The following AAMDC variants were observed in gnomAD, a reference collection of about 807,000 sequenced individuals.
The protein encoded by AAMDC is mth938 domain-containing protein.
In AAMDC, 16 loss-of-function variants were observed where a neutral mutation model predicts 15.5. The observed-to-expected ratio is 1.03, with a 90% CI of 0.70 to 1.57. The LOEUF is 1.57. Among genes scored for constraint, AAMDC ranks in the 40% most tolerant of loss-of-function variants. The pLI is 0.00. For missense variants in AAMDC, 141 were observed against 144.9 expected (o/e 0.97, Z 0.14); for synonymous variants, 51 against 51.6 (o/e 0.99, Z 0.05).
intron 1 of AAMDC, among the ~76,000 whole-genome samples, chr11:77,824,594 C>T (rs1949082668): frequency 2.0e-5 from 3 of 152,128 alleles, no homozygotes; most frequent in African/African-American, 7.2e-5. Flanking sequence ...ATCTTAAAAA[C>T]ATGTTGAGTA....
chr11:77,832,307 A>G (rs1397611488), intron 1 of AAMDC, among the ~76,000 whole-genome samples: 1 of 148,994 alleles, frequency 6.7e-6, no homozygotes, highest in African/African-American at 2.5e-5. Context: ...TTTATAAAAA[A>G]TGAAACTTCA....
chr11:77,869,802 G>A lies in AAMDC; in HGVS notation c.213G>A (p.Met71Ile). 9 of 1,613,860 alleles carry A rather than the reference G, an allele frequency of 5.6e-6. No homozygotes were observed. The highest frequency in any genetic ancestry group is 6.8e-6 in the Non-Finnish European group (8 of 1,179,816). Reference protein sequence around the residue: ...GVQTLVIGRGMSEALKVPSST... With the variant: ...GVQTLVIGRGISEALKVPSST... Reference sequence around the variant, plus strand: ...AGACTCTTGTGATTGGCCGAGGGATGAGTGAGGCCTTGAAGGTAGGTGTTG... The same window carrying A: ...AGACTCTTGTGATTGGCCGAGGGATAAGTGAGGCCTTGAAGGTAGGTGTTG... Residue 71 changes from methionine to isoleucine, a missense_variant, in exon 3 of 4, where the codon ATG becomes ATA. By Grantham distance (10) the Met-to-Ile change is conservative (BLOSUM62 1). Coordinates refer to ENST00000393427, the MANE Select transcript of AAMDC (RefSeq NM_024684.4).
chr11:77,849,094 T>C (rs1950265438), intron 2 of AAMDC, among the ~76,000 whole-genome samples: 1 of 151,482 alleles, frequency 6.6e-6, no homozygotes, highest in Admixed American at 6.6e-5. Context: ...TGGAGTGCAA[T>C]GGCGCCATTA....
At chr11:77,885,446 G>GA (rs922717484) in intron 5 of AAMDC, among the ~76,000 whole-genome samples, 2 of 151,738 alleles carry the variant, frequency 1.3e-5, no homozygotes, top group African/African-American at 4.8e-5. Context: ...CCTACTATAG[G>GA]AAAAAAATGC....
intron 2 of AAMDC, among the ~76,000 whole-genome samples, chr11:77,855,684 C>A (rs1300175608): frequency 6.8e-6 from 1 of 147,858 alleles, no homozygotes; most frequent in Non-Finnish European, 1.5e-5. Context: ...CCTTTATAAT[C>A]TGCTTCCCTT....
chr11:77,896,568 C>T (rs1347415597), intron 5 of AAMDC, among the ~76,000 whole-genome samples: 2 of 151,026 alleles, frequency 1.3e-5, no homozygotes, highest in African/African-American at 4.9e-5. Flanking sequence ...AGGAGAATCT[C>T]TTGAACCCGG....
At chr11:77,825,016 T>C (rs1388821622) in intron 1 of AAMDC, among the ~76,000 whole-genome samples, 1 of 152,168 alleles carries the variant, frequency 6.6e-6, no homozygotes, top group Non-Finnish European at 1.5e-5. Flanking sequence ...AGTCTCACTC[T>C]ATCACCCAGG....
At chr11:77,870,539 G>A (rs967314166) in intron 3 of AAMDC, among the ~76,000 whole-genome samples, 11 of 151,332 alleles carry the variant, frequency 7.3e-5, no homozygotes, top group Admixed American at 4.6e-4. Flanking sequence ...GGGTTTCACC[G>A]TGTTAGCCAG....
At chr11:77,893,729 C>A (rs1952379478) in intron 5 of AAMDC, among the ~76,000 whole-genome samples, 2 of 151,906 alleles carry the variant, frequency 1.3e-5, no homozygotes, top group Admixed American at 6.6e-5. Flanking sequence ...CCCGTCTCTA[C>A]TAAAAATACA....
At chr11:77,866,925 C>T (rs1235288958) in intron 2 of AAMDC, among the ~76,000 whole-genome samples, 1 of 152,064 alleles carries the variant, frequency 6.6e-6, no homozygotes, top group Admixed American at 6.6e-5. Context: ...ACTGCAACCT[C>T]CACTTCCTGG....
chr11:77,878,230 C>T (rs1406130708), intron 5 of AAMDC, among the ~76,000 whole-genome samples: 2 of 152,030 alleles, frequency 1.3e-5, no homozygotes, highest in Non-Finnish European at 2.9e-5. Flanking sequence ...GGCGTGGTGA[C>T]AGGCGCCTGT....
chr11:77,829,164 T>G (rs749854468), intron 1 of AAMDC, among the ~76,000 whole-genome samples: 45 of 151,262 alleles, frequency 3.0e-4, no homozygotes, highest in Non-Finnish European at 6.0e-4. Context: ...GAACTGGTAA[T>G]TTTATAAGAA....
At chr11:77,868,283 C>T (rs1951217511) in intron 2 of AAMDC, among the ~76,000 whole-genome samples, 2 of 151,402 alleles carry the variant, frequency 1.3e-5, no homozygotes, top group Admixed American at 1.3e-4. Flanking sequence ...TCTTGATCTC[C>T]TGACCTCGTG....
intron 5 of AAMDC, among the ~76,000 whole-genome samples, chr11:77,886,418 A>G (rs948976680): frequency 1.3e-5 from 2 of 152,214 alleles, no homozygotes; most frequent in African/African-American, 4.8e-5. Flanking sequence ...TAGGCTTACA[A>G]GAGTTAATAA....
rs552496189 is a variant in AAMDC, at chr11:77,854,668, T to C, written c.132+12040T>C. On this transcript the variant is annotated intron_variant, in intron 2 of 3. Coordinates refer to ENST00000393427, the MANE Select transcript of AAMDC (RefSeq NM_024684.4). Reference sequence around the variant, plus strand: ...GCAGGGTGCAACCCCTGTGGCTGCTTTCGTGGGCTGGCATTGAGTGCCTGC... The same window carrying C: ...GCAGGGTGCAACCCCTGTGGCTGCTCTCGTGGGCTGGCATTGAGTGCCTGC... Among the ~76,000 whole-genome samples, 266 of 152,266 alleles carry C rather than the reference T, an allele frequency of 1.7e-3. 1 individual carries two copies. In the South Asian group the frequency reaches 0.026, roughly 15 times the overall value.
At chr11:77,826,286 C>T (rs181246076) in intron 1 of AAMDC, among the ~76,000 whole-genome samples, 23 of 151,738 alleles carry the variant, frequency 1.5e-4, no homozygotes, top group Admixed American at 8.5e-4. Context: ...CACTTGAACC[C>T]AGGAGGCAGA....
At chr11:77,870,303 A>T (rs1951356812) in intron 3 of AAMDC, among the ~76,000 whole-genome samples, 1 of 144,620 alleles carries the variant, frequency 6.9e-6, no homozygotes, top group African/African-American at 2.6e-5. Flanking sequence ...TACAAATGTG[A>T]GCTACCACGT....
chr11:77,830,660 G>A (rs915960135), intron 1 of AAMDC, among the ~76,000 whole-genome samples: 16 of 151,914 alleles, frequency 1.1e-4, no homozygotes, highest in Non-Finnish European at 1.5e-4. Context: ...CCATAGGTCC[G>A]TGTGGGTTAC....
At chr11:77,829,973 T>C (rs989646028) in intron 1 of AAMDC, 1 of 152,096 alleles carries the variant, frequency 6.6e-6, no homozygotes, top group Non-Finnish European at 1.5e-5. Flanking sequence ...CTCTACAAAA[T>C]TCTTTTTTAT....
Sources: gnomAD v4.1 joint callset for allele counts (sites outside exome capture counted in the v4.1 genomes callset) on GRCh38, gnomAD v4.1.1 for gene constraint, MANE v1.5 for transcripts, NCBI Gene and HGNC (gene_info 2026-07-23, HGNC 2026-07-21) for gene names.